Variants in SMYD2 observed in about 807,000 individuals in gnomAD.
SMYD2 encodes the protein SET and MYND domain containing 2.
A neutral mutation model predicts 59.1 loss-of-function variants in SMYD2; 53 were observed. The observed-to-expected ratio is 0.90, with a 90% CI of 0.72 to 1.13. The LOEUF (loss-of-function observed/expected upper bound fraction) is 1.13, where lower values mean the gene tolerates loss of function less well. SMYD2 is among the 50% of genes most tolerant of loss of function. SMYD2 has a pLI of 0.00. For missense variants in SMYD2, 494 were observed against 544.7 expected (o/e 0.91, Z 0.93); for synonymous variants, 208 against 198.8 (o/e 1.05, Z -0.39).
intron 9 of SMYD2, 132 bp downstream of exon 9, chr1:214,331,202 T>C (rs1657347789): frequency 1.5e-6 from 2 of 1,324,658 alleles, no homozygotes; most frequent in African/African-American, 2.9e-5. Context: ...TCCTAGTAAA[T>C]GTGTAAAGGC....
chr1:214,289,152 C>G (rs1345065489), intron 1 of SMYD2, among the ~76,000 whole-genome samples: 1 of 152,074 alleles, frequency 6.6e-6, no homozygotes, highest in Non-Finnish European at 1.5e-5. Flanking sequence ...GGGCTCACTG[C>G]TATAGTTTGG....
At chr1:214,314,686 C>A in intron 2 of SMYD2, 76 bp from the exon 3 acceptor site, 1 of 1,054,300 alleles carries the variant, frequency 9.5e-7, no homozygotes, top group Non-Finnish European at 1.5e-6. Flanking sequence ...TAGGGGGACT[C>A]ACTGCATCCT....
At chr1:214,324,237 A>G (rs4655244) in intron 5 of SMYD2, among the ~76,000 whole-genome samples, 44,825 of 152,098 alleles carry the variant, frequency 0.29, 6,956 homozygotes, top group Non-Finnish European at 0.34. Context: ...ACGCCCAGCC[A>G]GATTGATTCT....
chr1:214,321,770 C>T (rs1269659119), intron 5 of SMYD2, among the ~76,000 whole-genome samples: 1 of 152,196 alleles, frequency 6.6e-6, no homozygotes, highest in Admixed American at 6.5e-5. Context: ...GGTTCTTACA[C>T]CTGATTTGAC....
At position 214,336,964 on chromosome 1, in the gene SMYD2, A is replaced by G; in HGVS notation, c.*180A>G. 1 of 515,374 alleles carries G rather than the reference A, an allele frequency of 1.9e-6. No homozygotes were observed. The highest frequency in any genetic ancestry group is 3.3e-6 in the Non-Finnish European group (1 of 300,146). 31.9% of individuals were successfully genotyped at this position (515,374 alleles called of 1,614,324 possible). On this transcript the variant is annotated 3_prime_UTR_variant, in exon 12 of 12. Transcript: ENST00000366957. ...AGGTTAGTCTGAATCTTGAACTTTA[A>G]TACCAAATTAATTTTGAATGCTTTT... is the stretch of plus-strand genomic sequence containing the variant.
At chr1:214,334,334 T>C (rs1348712889) in intron 11 of SMYD2, 26 bp downstream of exon 11, 1 of 1,601,168 alleles carries the variant, frequency 6.2e-7, no homozygotes, top group Non-Finnish European at 8.5e-7. Context: ...GGCCTTAGGA[T>C]TCCCAGTGGC....
Position 214,281,333 on chromosome 1 carries a change from T to C in SMYD2, c.79T>C (p.Phe27Leu). Residue 27 changes from phenylalanine (F) to leucine (L), a missense_variant, in exon 1 of 12, where the codon TTC becomes CTC. Coordinates refer to ENST00000366957, the MANE Select transcript of SMYD2 (RefSeq NM_020197.3). ...KGRGLRALQPFQVGDLLFSCP... is the reference protein window; with the variant it reads ...KGRGLRALQPLQVGDLLFSCP... ...CCGGGGGCTGCGGGCTCTGCAGCCC[T>C]TCCAGGTGGGGGACTTGCTGTTCTC... The C allele has an allele frequency of 1.4e-6, 2 of 1,437,490 alleles. No individual in the cohort carries two copies. Among genetic ancestry groups the C allele is most frequent in the Middle Eastern group, 2.0e-4 (1 of 4,960 alleles). 89.0% of individuals were successfully genotyped at this position (1,437,490 alleles called of 1,614,324 possible).
chr1:214,330,408 A>G lies in SMYD2; in HGVS notation c.816+130A>G. 4 of 591,860 alleles carry G rather than the reference A, an allele frequency of 6.8e-6. No individual in the cohort carries two copies. In the South Asian group the frequency reaches 7.5e-5, roughly 11 times the overall value. 36.7% of individuals were successfully genotyped at this position (591,860 alleles called of 1,614,324 possible). On this transcript the variant is annotated intron_variant, in intron 8 of 11. Coordinates refer to ENST00000366957, the MANE Select transcript of SMYD2 (RefSeq NM_020197.3). ...CCCTTTAAACCCTCCTTACAAAGAC[A>G]GCCAAAGGGAATCTAGTTAGACCAG...
chr1:214,319,666 C>T (rs1657139215), intron 5 of SMYD2, among the ~76,000 whole-genome samples: 1 of 152,170 alleles, frequency 6.6e-6, no homozygotes, highest in South Asian at 2.1e-4. Context: ...GGCCATGCCT[C>T]GGGGAACACA....
chr1:214,285,523 G>C (rs1465071215), intron 1 of SMYD2, among the ~76,000 whole-genome samples: 2 of 152,122 alleles, frequency 1.3e-5, no homozygotes, highest in African/African-American at 4.8e-5. Flanking sequence ...CTAATAAAGG[G>C]GTTCCCCTTC....
intron 1 of SMYD2, among the ~76,000 whole-genome samples, chr1:214,292,089 T>TGAGAGAGAGAGAGAGAGAGAGAGA (rs56410935): frequency 4.1e-5 from 6 of 145,878 alleles, no homozygotes; most frequent in African/African-American, 1.5e-4. Context: ...TTTTCTAGGG[T>TGAGAGAGAGAGAGAGAGAGAGAGA]GAGAGAGAGA....
chr1:214,299,857 C>T (rs1402233376), intron 1 of SMYD2, among the ~76,000 whole-genome samples: 2 of 152,154 alleles, frequency 1.3e-5, no homozygotes, highest in Non-Finnish European at 2.9e-5. Flanking sequence ...CTCCCCTCCT[C>T]GGCCTCCCAA....
At position 214,312,728 on chromosome 1, in the gene SMYD2, G is replaced by A. The variant is rs1657016877; in HGVS notation, c.238-2034G>A. On this transcript the variant is annotated intron_variant, in intron 2 of 11. Coordinates refer to ENST00000366957, the MANE Select transcript of SMYD2 (RefSeq NM_020197.3). This position sits in a 1 kb window ranked among gnomAD's most constrained non-coding sequence, Gnocchi z 4.1. Reference sequence around the variant, plus strand: ...GTGCAGTGAGGCAGGTGAGAGTACGGTGGGGGATGATGGGCTGGGGTGGTG... The same window carrying A: ...GTGCAGTGAGGCAGGTGAGAGTACGATGGGGGATGATGGGCTGGGGTGGTG... Among the ~76,000 whole-genome samples the A allele has an allele frequency of 6.6e-6, 1 of 152,232 alleles. No individual in the cohort carries two copies. Among genetic ancestry groups the A allele is most frequent in the Admixed American group, 6.5e-5 (1 of 15,276 alleles).
chr1:214,295,995 G>T (rs1474302246), intron 1 of SMYD2, among the ~76,000 whole-genome samples: 1 of 152,156 alleles, frequency 6.6e-6, no homozygotes, highest in African/African-American at 2.4e-5. Flanking sequence ...TTTGGCTGGG[G>T]CTGCCTCTGT....
intron 1 of SMYD2, among the ~76,000 whole-genome samples, chr1:214,293,546 T>C (rs1398348947): frequency 2.0e-5 from 3 of 152,246 alleles, no homozygotes; most frequent in Non-Finnish European, 4.4e-5. Flanking sequence ...CTAACTTCTG[T>C]ATCTTCAAAG....
intron 1 of SMYD2, 22 bp downstream of exon 1, chr1:214,281,449 C>T (rs1373074659): frequency 1.7e-5 from 23 of 1,372,538 alleles, no homozygotes; most frequent in East Asian, 3.0e-5. Flanking sequence ...GCGGCGGCGG[C>T]GGCGGGCGGG....
intron 8 of SMYD2, among the ~76,000 whole-genome samples, chr1:214,330,734 TA>T (rs1247555547): frequency 2.0e-5 from 3 of 152,136 alleles, no homozygotes; most frequent in Non-Finnish European, 4.4e-5. Context: ...AGATAAGGAG[TA>T]TCTAGAAAAT....
rs1656432839 is a variant in SMYD2 at position 214,281,171 on chromosome 1, G to A, written c.-84G>A. The A allele has an allele frequency of 3.0e-6, 3 of 1,013,684 alleles. No individual in the cohort carries two copies. Among genetic ancestry groups the A allele is most frequent in the East Asian group, 3.8e-5 (1 of 26,522 alleles). The allele number at this position is 1,013,684 out of a possible 1,614,324, so 62.8% of individuals were successfully genotyped here. ...CCGGGCGGCTCCCACCCCGCCCCCCGCAGCTCTAGGTGACGCGTCTCCAAT... is the reference window on the plus strand; with the variant it reads ...CCGGGCGGCTCCCACCCCGCCCCCCACAGCTCTAGGTGACGCGTCTCCAAT... On this transcript the variant is annotated 5_prime_UTR_variant, in exon 1 of 12. Coordinates refer to ENST00000366957, the MANE Select transcript of SMYD2 (RefSeq NM_020197.3).
In SMYD2 at chr1:214,281,368, C is replaced by T. The variant is rs535083054; in HGVS notation, c.114C>T (p.Ala38=). 38 of 1,461,162 alleles carry T rather than the reference C, an allele frequency of 2.6e-5. No individual in the cohort carries two copies. In the African/African-American group the frequency reaches 3.8e-4, roughly 14 times the overall value. 90.5% of individuals were successfully genotyped at this position (1,461,162 alleles called of 1,614,324 possible). A position where few individuals can be genotyped will look rare whatever the true frequency, so the allele number is the denominator to read the frequency against. Residue 38 remains alanine (A), a synonymous_variant, in exon 1 of 12, where the codon GCC becomes GCT. Transcript: ENST00000366957. ...QVGDLLFSCP[A]YAYVLTVNER... The stretch of plus-strand genomic sequence containing the variant: ...GGGACTTGCTGTTCTCCTGCCCGGC[C>T]TATGCCTACGTGCTCACGGTCAACG...
Sources: gnomAD v4.1 joint callset for allele counts (sites outside exome capture counted in the v4.1 genomes callset) on GRCh38, gnomAD v4.1.1 for gene constraint, Gnocchi (gnomAD v3.1) non-coding constraint, MANE v1.5 for transcripts, NCBI Gene and HGNC (gene_info 2026-07-23, HGNC 2026-07-21) for gene names.